The following AGTPBP1 variants were observed in gnomAD, a reference collection of about 807,000 sequenced individuals.
AGTPBP1 encodes ATP/GTP binding carboxypeptidase 1, also known as cytosolic carboxypeptidase 1.
A neutral mutation model predicts 143.9 loss-of-function variants in AGTPBP1; 70 were observed. The observed-to-expected ratio is 0.49, with a 90% CI of 0.40 to 0.59. The LOEUF is 0.59. AGTPBP1 is among the 20% of genes least tolerant of loss of function. AGTPBP1 has a pLI of 0.00. For synonymous variants in AGTPBP1, 463 were observed against 500.2 expected (o/e 0.93, Z 0.99); for missense variants, 1,229 against 1,464.5 (o/e 0.84, Z 2.62).
chr9:85,589,765 T>A (rs1389094772), intron 19 of AGTPBP1, 84 bp from the exon 20 acceptor site: 1 of 1,274,438 alleles, frequency 7.8e-7, no homozygotes, highest in South Asian at 1.5e-5. Flanking sequence ...GATCTCCACA[T>A]AACTAGAAGT....
chr9:85,769,139 C>T, the AGTPBP1 span, among the ~76,000 whole-genome samples: 1 of 151,428 alleles, frequency 6.6e-6, no homozygotes, highest in African/African-American at 2.4e-5. Flanking sequence ...GGTCCTGTAA[C>T]CAAGGACACA....
chr9:85,622,221 C>T (rs959278490), intron 14 of AGTPBP1, among the ~76,000 whole-genome samples: 1 of 152,156 alleles, frequency 6.6e-6, no homozygotes, highest in African/African-American at 2.4e-5. Context: ...CAGATTAGAA[C>T]TGTGGCTTAT....
In AGTPBP1 at chr9:85,655,123, C is replaced by T. The variant is rs756776810; in HGVS notation, c.1087+20G>A. On this transcript the variant is annotated intron_variant, in intron 11 of 25. Coordinates refer to ENST00000357081, the MANE Select transcript of AGTPBP1 (RefSeq NM_001330701.2). ...AATTCTAAGAACCCACAAAAAGCAGCAGTGACCCTGTGATCCTACCTTCAG... is the reference window on the plus strand; with the variant it reads ...AATTCTAAGAACCCACAAAAAGCAGTAGTGACCCTGTGATCCTACCTTCAG... 6.4e-7 allele frequency: 1 copy of T among 1,563,506 alleles called. No individual in the cohort carries two copies. Among genetic ancestry groups the T allele is most frequent in the Non-Finnish European group, 8.6e-7 (1 of 1,156,240 alleles).
chr9:85,770,348 A>T, the AGTPBP1 span: 1 of 1,607,992 alleles, frequency 6.2e-7, no homozygotes, highest in African/African-American at 1.3e-5. Context: ...ATTGAATACA[A>T]GAATGAAAGT....
intron 1 of AGTPBP1, among the ~76,000 whole-genome samples, chr9:85,731,974 C>T (rs983218718): frequency 2.0e-5 from 3 of 152,118 alleles, no homozygotes; most frequent in Admixed American, 2.0e-4. Flanking sequence ...ATTAGTTTTG[C>T]TTTGTGACAT....
chr9:85,657,552 T>G lies in AGTPBP1; in HGVS notation c.792A>C (p.Arg264Ser), dbSNP rs994924212. ...AAATTCCTTTCCGAATGAGCATGTT[T>G]CTATGCCGGTTATCATGGCGGTGCC... is the stretch of plus-strand genomic sequence containing the variant. ...VDWHRHDNRH[R>S]NMLIRKGILQ... Residue 264 changes from arginine (R) to serine (S), a missense_variant, in exon 10 of 26, where the codon AGA becomes AGC. Physicochemically the swap from Arg to Ser is moderately radical, Grantham distance 110 (BLOSUM62 -1). This residue lies in a region of AGTPBP1 where 743 missense variants were observed against 812.2 expected (regional missense o/e 0.91). Transcript: ENST00000357081. 6.2e-7 allele frequency: 1 copy of G among 1,613,928 alleles called. No individual in the cohort carries two copies. The highest frequency in any genetic ancestry group is 1.7e-5 in the Admixed American group (1 of 59,998).
rs986807408 is a variant in AGTPBP1, at chr9:85,559,673, T to C, written c.3504-12387A>G. ...AACTGGACCCAACATAGCACTGGAATTGACCTAGGTTTCACCTAGGACCTC... is the reference window on the plus strand; with the variant it reads ...AACTGGACCCAACATAGCACTGGAACTGACCTAGGTTTCACCTAGGACCTC... On this transcript the variant is annotated intron_variant, in intron 25 of 25. Transcript: ENST00000357081. Among the ~76,000 whole-genome samples the C allele has an allele frequency of 6.3e-4, 96 of 152,096 alleles. 1 individual carries two copies. The highest frequency in any genetic ancestry group is 2.2e-3 in the African/African-American group (91 of 41,396).
Position 85,575,434 on chromosome 9 carries a change from T to C in AGTPBP1, c.3384A>G (p.Ala1128=), listed in dbSNP as rs776727639. Residue 1128 remains alanine, a synonymous_variant, in exon 25 of 26, where the codon GCA becomes GCG. Transcript: ENST00000357081. ...IGTRELEEMG[A]KFCVGLLRLK... ...AACGTAAAAGACCAACACAAAATTT[T>C]GCTCCCATCTCTTCCAGTTCTCGGG... is the stretch of plus-strand genomic sequence containing the variant. 4 of 1,608,752 alleles carry C rather than the reference T, an allele frequency of 2.5e-6. No homozygotes were observed. In the South Asian group the frequency reaches 4.5e-5, roughly 18 times the overall value.
At chr9:85,753,486 A>T in the AGTPBP1 span, 40 of 1,589,898 alleles carry the variant, frequency 2.5e-5, no homozygotes, top group Non-Finnish European at 3.4e-5. Flanking sequence ...ATAGAGGTAA[A>T]CTCACACCTG....
At chr9:85,619,556 T>G (rs1339498653) in intron 15 of AGTPBP1, among the ~76,000 whole-genome samples, 1 of 152,198 alleles carries the variant, frequency 6.6e-6, no homozygotes, top group Non-Finnish European at 1.5e-5. Context: ...TGAATGCATG[T>G]CATTTCTAAA....
In AGTPBP1 at chr9:85,585,535, G is replaced by T; in HGVS notation, c.3093C>A (p.Ser1031Arg). The T allele has an allele frequency of 6.2e-7, 1 of 1,611,132 alleles. No homozygotes were observed. Among genetic ancestry groups the T allele is most frequent in the Non-Finnish European group, 8.5e-7 (1 of 1,178,624 alleles). The change falls in exon 23 of 26, where the codon AGC (serine) becomes AGA (arginine). Residue 1031 changes from serine (S) to arginine (R), a missense_variant. Ser to Arg is a moderately radical substitution (Grantham distance 110). This residue lies in a region of AGTPBP1 where 486 missense variants were observed against 652.3 expected (regional missense o/e 0.75). Transcript: ENST00000357081. ...RKKNVFMYGC[S>R]IKETVWHTND... Reference sequence around the variant, plus strand: ...TGGTATGCCACACTGTCTCTTTGATGCTGCAACCATACATAAATACATTCT... The same window carrying T: ...TGGTATGCCACACTGTCTCTTTGATTCTGCAACCATACATAAATACATTCT...
chr9:85,573,113 C>T (rs1360906119), intron 25 of AGTPBP1, among the ~76,000 whole-genome samples: 1 of 151,998 alleles, frequency 6.6e-6, no homozygotes, highest in East Asian at 1.9e-4. Context: ...TCCCCACGGT[C>T]TCCCTCTCCC....
chr9:85,718,426 C>G (rs1163439571), intron 1 of AGTPBP1, among the ~76,000 whole-genome samples: 2 of 152,088 alleles, frequency 1.3e-5, no homozygotes, highest in Admixed American at 6.6e-5. Context: ...CCAGTGATAA[C>G]GAGCATTTTT....
At chr9:85,759,071 C>A in the AGTPBP1 span, among the ~76,000 whole-genome samples, 25 of 152,304 alleles carry the variant, frequency 1.6e-4, no homozygotes, top group Admixed American at 1.6e-3. Context: ...GAAGAGCTAA[C>A]TATCCTAAAT....
chr9:85,566,300 G>A (rs535108106), intron 25 of AGTPBP1, among the ~76,000 whole-genome samples: 3 of 152,124 alleles, frequency 2.0e-5, no homozygotes, highest in Non-Finnish European at 4.4e-5. Flanking sequence ...TGGGAAGACT[G>A]CTCGAGCCCA....
the AGTPBP1 span, among the ~76,000 whole-genome samples, chr9:85,763,473 A>G: frequency 6.6e-6 from 1 of 151,878 alleles, no homozygotes; most frequent in African/African-American, 2.4e-5. Flanking sequence ...GTTCTGTTGG[A>G]GAAGAATTAG....
chr9:85,611,177 AT>A (rs1830295236), intron 17 of AGTPBP1, among the ~76,000 whole-genome samples: 2 of 88,176 alleles, frequency 2.3e-5, no homozygotes, highest in Admixed American at 2.4e-4. Flanking sequence ...TTTTTTTTGC[AT>A]TTTACATTTT....
chr9:85,605,763 T>C (rs900238530), intron 17 of AGTPBP1, among the ~76,000 whole-genome samples: 3 of 152,076 alleles, frequency 2.0e-5, no homozygotes, highest in Non-Finnish European at 4.4e-5. Context: ...AATTAAAGTA[T>C]AGAGTTTTTA....
At chr9:85,629,125 A>G (rs1319277330) in intron 14 of AGTPBP1, among the ~76,000 whole-genome samples, 2 of 152,080 alleles carry the variant, frequency 1.3e-5, no homozygotes, top group Non-Finnish European at 2.9e-5. Flanking sequence ...ACCTGTACCA[A>G]CTCTCATCCA....
Sources: allele counts gnomAD v4.1 joint callset (sites outside exome capture counted in the v4.1 genomes callset), GRCh38; gene constraint gnomAD v4.1.1; regional missense constraint gnomAD v4.1.1; transcripts MANE v1.5; gene names NCBI Gene and HGNC (gene_info 2026-07-23, HGNC 2026-07-21).